GDAP1: variants seen among roughly 807,000 people sequenced by gnomAD.
GDAP1 encodes ganglioside-induced differentiation-associated protein 1.
A neutral mutation model predicts 40.1 loss-of-function variants in GDAP1; 34 were observed. The ratio of observed to expected loss-of-function variants is 0.85; its 90% CI spans 0.64 to 1.13. GDAP1 has a LOEUF of 1.13. GDAP1 is among the 50% of genes most tolerant of loss of function. The probability of loss-of-function intolerance (pLI) is 0.00; values close to 1 mark genes in which losing one functional copy is unlikely to be tolerated. For synonymous variants in GDAP1, 170 were observed against 157.4 expected (o/e 1.08, Z -0.60); for missense variants, 374 against 433.7 (o/e 0.86, Z 1.22).
At chr8:74,454,878 A>G (rs193097219) in intron 2 of GDAP1, among the ~76,000 whole-genome samples, 321 of 152,072 alleles carry the variant, frequency 2.1e-3, no homozygotes, top group African/African-American at 7.2e-3. Context: ...CAAGAGAAAA[A>G]TGTTTTGAAA....
intron 2 of GDAP1, among the ~76,000 whole-genome samples, chr8:74,379,892 T>C (rs1304171529): frequency 6.6e-6 from 1 of 152,208 alleles, no homozygotes; most frequent in Non-Finnish European, 1.5e-5. Context: ...GTGATCTATA[T>C]GCATGCAGGG....
intron 2 of GDAP1, among the ~76,000 whole-genome samples, chr8:74,356,839 C>T (rs952365599): frequency 2.6e-5 from 4 of 151,182 alleles, no homozygotes; most frequent in Admixed American, 6.6e-5. Context: ...CTCAGCCTCC[C>T]GAGTAGCTGG....
At position 74,358,498 on chromosome 8, in the gene GDAP1, A is replaced by T. The variant is rs368841245; in HGVS notation, c.311-1639A>T. 2.6e-5 allele frequency among the ~76,000 whole-genome samples: 4 copies of T among 152,244 alleles called. No homozygotes were observed. In the South Asian group the frequency reaches 6.2e-4, roughly 24 times the overall value. On this transcript the variant is annotated intron_variant, in intron 2 of 5. Transcript: ENST00000220822. ...CAGAGAGCATTTGTTTATGTGGATC[A>T]TAGCTATCAATATTTACCATTTAGA...
At chr8:74,436,420 C>CTTTTTTTTTTTTTTTTT (rs11337545) in intron 2 of GDAP1, among the ~76,000 whole-genome samples, 1 of 110,356 alleles carries the variant, frequency 9.1e-6, no homozygotes, top group Non-Finnish European at 1.9e-5. Context: ...CCATCCCTTC[C>CTTTTTTTTTTTTTTTTT]TTTTTTTTTT....
intron 2 of GDAP1, among the ~76,000 whole-genome samples, chr8:74,439,036 A>ATG (rs35345122): frequency 0.51 from 76,221 of 149,964 alleles, 19,602 homozygotes; most frequent in South Asian, 0.67. Flanking sequence ...GTGTATATAT[A>ATG]TGTGTGTGTG....
chr8:74,479,895 T>C (rs531422379), intron 2 of GDAP1, among the ~76,000 whole-genome samples: 15 of 152,254 alleles, frequency 9.9e-5, no homozygotes, highest in Admixed American at 7.8e-4. Flanking sequence ...ACTCACAATG[T>C]CACTTCTATT....
chr8:74,482,299 A>G (rs1806722944), intron 2 of GDAP1, among the ~76,000 whole-genome samples: 1 of 152,180 alleles, frequency 6.6e-6, no homozygotes, highest in South Asian at 2.1e-4. Flanking sequence ...TTTGGCCTCC[A>G]TGAATATATC....
intron 2 of GDAP1, among the ~76,000 whole-genome samples, chr8:74,413,717 CTTTTTTT>C (rs79420778): frequency 7.6e-6 from 1 of 131,766 alleles, no homozygotes; most frequent in African/African-American, 3.0e-5. Flanking sequence ...AACTCCTAAG[CTTTTTTT>C]TTTTTTTTTC....
At chr8:74,388,358 C>G (rs1375041048) in intron 2 of GDAP1, among the ~76,000 whole-genome samples, 1 of 151,940 alleles carries the variant, frequency 6.6e-6, no homozygotes, top group Non-Finnish European at 1.5e-5. Context: ...AGCTGTGTCC[C>G]AGAAATTCTG....
chr8:74,470,194 T>C (rs905406080), intron 2 of GDAP1, among the ~76,000 whole-genome samples: 1 of 152,148 alleles, frequency 6.6e-6, no homozygotes. Flanking sequence ...TGGTGTTAAG[T>C]AAAGTGATTT....
chr8:74,469,444 G>A (rs112356251), intron 2 of GDAP1, among the ~76,000 whole-genome samples: 1 of 152,218 alleles, frequency 6.6e-6, no homozygotes, highest in African/African-American at 2.4e-5. Flanking sequence ...CGAGGAGGGC[G>A]GATCACGAGG....
chr8:74,363,249 G>A (rs897061820), intron 5 of GDAP1, among the ~76,000 whole-genome samples, 196 bp downstream of exon 5: 6 of 152,166 alleles, frequency 3.9e-5, no homozygotes, highest in Admixed American at 1.3e-4. Flanking sequence ...CTGCATCTAC[G>A]TGAAGGATTT....
At chr8:74,375,653 A>C (rs561867212) in intron 2 of GDAP1, among the ~76,000 whole-genome samples, 4 of 152,244 alleles carry the variant, frequency 2.6e-5, no homozygotes, top group Non-Finnish European at 5.9e-5. Context: ...GAAGACATCC[A>C]TGAAAAATCC....
intron 2 of GDAP1, among the ~76,000 whole-genome samples, chr8:74,374,753 C>G (rs1044456359): frequency 1.1e-4 from 16 of 151,834 alleles, no homozygotes; most frequent in Admixed American, 1.0e-3. Context: ...ATGAAATTGA[C>G]AAATTTCTTG....
intron 2 of GDAP1, among the ~76,000 whole-genome samples, chr8:74,463,073 ACGG>A (rs1806420480): frequency 7.0e-6 from 1 of 142,960 alleles, no homozygotes; most frequent in African/African-American, 2.7e-5. Context: ...GCAATAAGTT[ACGG>A]CAAATGAGTA....
chr8:74,422,395 TTCTG>T (rs1805886707), intron 2 of GDAP1, among the ~76,000 whole-genome samples: 1 of 136,370 alleles, frequency 7.3e-6, no homozygotes, highest in African/African-American at 2.8e-5. Flanking sequence ...CCTTCCTTCC[TTCTG>T]TCTCTCTCTC....
At chr8:74,469,635 C>G (rs1457750701) in intron 2 of GDAP1, among the ~76,000 whole-genome samples, 2 of 149,928 alleles carry the variant, frequency 1.3e-5, no homozygotes, top group Non-Finnish European at 3.0e-5. Context: ...CGCCACTGCA[C>G]TCCAGCCTGG....
At chr8:74,361,155 A>G (rs1430138532) in intron 3 of GDAP1, among the ~76,000 whole-genome samples, 1 of 150,330 alleles carries the variant, frequency 6.7e-6, no homozygotes, top group African/African-American at 2.5e-5. Context: ...CCTCCTCTTC[A>G]TAAATACCCT....
At position 74,364,826 on chromosome 8, in the gene GDAP1, T is replaced by C; in HGVS notation, c.*459T>C. ...CAGGCTTTATATGTATACTTTGACC[T>C]CAGTGTTAATTTTAAATGCTTATGA... On this transcript the variant is annotated 3_prime_UTR_variant, in exon 6 of 6. Transcript: ENST00000220822. 1 of 454,910 alleles carries C rather than the reference T, an allele frequency of 2.2e-6. No homozygotes were observed. Among genetic ancestry groups the C allele is most frequent in the Non-Finnish European group, 4.4e-6 (1 of 227,334 alleles). 28.2% of individuals were successfully genotyped at this position (454,910 alleles called of 1,614,324 possible).
Sources: allele counts gnomAD v4.1 joint callset (sites outside exome capture counted in the v4.1 genomes callset), GRCh38; gene constraint gnomAD v4.1.1; transcripts MANE v1.5; gene names NCBI Gene and HGNC (gene_info 2026-07-23, HGNC 2026-07-21).